The following ATXN7L1 variants were observed in gnomAD, a reference collection of about 807,000 sequenced individuals.
The protein encoded by ATXN7L1 is ataxin-7-like protein 1.
Under a neutral mutation model 70.8 loss-of-function variants are expected in ATXN7L1, and 15 were observed. The observed-to-expected ratio is 0.21, with a 90% CI of 0.14 to 0.33. The LOEUF is 0.33. ATXN7L1 is among the 10% of genes least tolerant of loss of function. The pLI is 1.00. For synonymous variants in ATXN7L1, 440 were observed against 445.1 expected (o/e 0.99, Z 0.14); for missense variants, 975 against 1,097.1 (o/e 0.89, Z 1.57).
intron 4 of ATXN7L1, among the ~76,000 whole-genome samples, chr7:105,657,511 G>A (rs376577582): frequency 2.6e-5 from 4 of 151,394 alleles, no homozygotes; most frequent in African/African-American, 4.8e-5. Context: ...TCAGGAATTC[G>A]AGATGGTGAA....
intron 2 of ATXN7L1, among the ~76,000 whole-genome samples, chr7:105,812,692 G>A (rs1217727576): frequency 1.3e-5 from 2 of 152,128 alleles, no homozygotes; most frequent in Admixed American, 1.3e-4. Context: ...TAGGTGTCAG[G>A]AATTCATCAG....
chr7:105,688,374 C>G (rs1474709496), intron 3 of ATXN7L1, among the ~76,000 whole-genome samples: 7 of 152,110 alleles, frequency 4.6e-5, no homozygotes, highest in Non-Finnish European at 7.4e-5. Flanking sequence ...GAAACCCCAT[C>G]TCTACTAAAA....
intron 4 of ATXN7L1, among the ~76,000 whole-genome samples, chr7:105,644,543 A>G (rs1798713895): frequency 6.6e-6 from 1 of 152,204 alleles, no homozygotes; most frequent in Non-Finnish European, 1.5e-5. Flanking sequence ...GAGTGTCTCA[A>G]TGTCTGAGAT....
chr7:105,727,052 G>A (rs587468), intron 3 of ATXN7L1, among the ~76,000 whole-genome samples: 86,393 of 152,026 alleles, frequency 0.57, 25,469 homozygotes, highest in East Asian at 0.78. Context: ...TAGCAATCTG[G>A]TTCTCTTCTG....
intron 10 of ATXN7L1, 42 bp downstream of exon 10, chr7:105,613,820 G>T (rs1793424008): frequency 6.4e-7 from 1 of 1,551,472 alleles, no homozygotes; most frequent in Admixed American, 2.0e-5. Context: ...AGCTCCCCCT[G>T]CCCCCCAGAG....
intron 2 of ATXN7L1, among the ~76,000 whole-genome samples, chr7:105,830,773 T>C (rs906798875): frequency 1.3e-5 from 2 of 152,238 alleles, no homozygotes; most frequent in Non-Finnish European, 1.5e-5. Flanking sequence ...TGCTATGCCA[T>C]GTCAGGTCCA....
At chr7:105,733,590 C>T in intron 3 of ATXN7L1, among the ~76,000 whole-genome samples, 1 of 136,738 alleles carries the variant, frequency 7.3e-6, no homozygotes, top group Non-Finnish European at 1.6e-5. Context: ...ACCCATCCAT[C>T]CATCCATCCA....
chr7:105,774,499 G>A (rs1211861329), intron 3 of ATXN7L1, among the ~76,000 whole-genome samples: 4 of 151,800 alleles, frequency 2.6e-5, no homozygotes, highest in Non-Finnish European at 5.9e-5. Context: ...TAACAGATGT[G>A]TGCTACCACA....
At chr7:105,768,461 G>C (rs1038737818) in intron 3 of ATXN7L1, among the ~76,000 whole-genome samples, 4 of 151,188 alleles carry the variant, frequency 2.6e-5, no homozygotes. Flanking sequence ...GGATCAAGTT[G>C]TATCTGTGCC....
chr7:105,680,727 G>A (rs1043055770), intron 3 of ATXN7L1, among the ~76,000 whole-genome samples: 20 of 152,222 alleles, frequency 1.3e-4, no homozygotes, highest in Admixed American at 1.3e-3. Context: ...GTAGAGGCCT[G>A]CTGGATGTTG....
intron 3 of ATXN7L1, among the ~76,000 whole-genome samples, chr7:105,718,862 G>A (rs565167928): frequency 2.0e-5 from 3 of 152,358 alleles, no homozygotes; most frequent in East Asian, 3.9e-4. Flanking sequence ...TACAGCATGG[G>A]AGGGCAGGCT....
rs959554093 is a variant in ATXN7L1, at chr7:105,872,589, C to T, written c.250+3223G>A. Among the ~76,000 whole-genome samples, 6 of 152,146 alleles carry T rather than the reference C, an allele frequency of 3.9e-5. No individual in the cohort carries two copies. The South Asian group carries it at 1.0e-3, about 26-fold the overall frequency. Reference sequence around the variant, plus strand: ...ACAAAAGGATACAGATTGTATGACTCCACTTATATGAGGTATCAGAATAGG... The same window carrying T: ...ACAAAAGGATACAGATTGTATGACTTCACTTATATGAGGTATCAGAATAGG... On this transcript the variant is annotated intron_variant, in intron 2 of 11. Coordinates refer to ENST00000419735, the MANE Select transcript of ATXN7L1 (RefSeq NM_020725.2).
chr7:105,610,676 C>G (rs1231606427), intron 10 of ATXN7L1, 73 bp from the exon 11 acceptor site: 6 of 1,325,102 alleles, frequency 4.5e-6, no homozygotes, highest in Non-Finnish European at 6.3e-6. Context: ...GCCACATGTT[C>G]TAGGGGAAAG....
At chr7:105,821,944 G>A (rs537376293) in intron 2 of ATXN7L1, among the ~76,000 whole-genome samples, 3 of 152,192 alleles carry the variant, frequency 2.0e-5, no homozygotes, top group African/African-American at 2.4e-5. Flanking sequence ...CGGTGACATT[G>A]CACATACTCC....
chr7:105,654,260 T>C (rs1389420957), intron 4 of ATXN7L1, among the ~76,000 whole-genome samples: 2 of 152,258 alleles, frequency 1.3e-5, no homozygotes, highest in Non-Finnish European at 2.9e-5. Flanking sequence ...CTGCCTCTCC[T>C]CTTCTGAGAA....
intron 4 of ATXN7L1, among the ~76,000 whole-genome samples, chr7:105,664,035 G>A (rs980840006): frequency 2.6e-5 from 4 of 152,140 alleles, no homozygotes; most frequent in Non-Finnish European, 4.4e-5. Flanking sequence ...CTCCCAAAGT[G>A]CTGGGATTAC....
At chr7:105,698,609 C>T (rs1160684825) in intron 3 of ATXN7L1, among the ~76,000 whole-genome samples, 7 of 152,184 alleles carry the variant, frequency 4.6e-5, no homozygotes, top group African/African-American at 1.2e-4. Context: ...CTGCCTGCCT[C>T]GGCCTCCCAA....
intron 2 of ATXN7L1, among the ~76,000 whole-genome samples, chr7:105,796,310 A>G (rs1805981628): frequency 6.6e-6 from 1 of 152,190 alleles, no homozygotes; most frequent in Non-Finnish European, 1.5e-5. Flanking sequence ...TGCAGTGAAC[A>G]GAGATCGCGC....
At chr7:105,709,378 T>C (rs569479773) in intron 3 of ATXN7L1, among the ~76,000 whole-genome samples, 4 of 152,228 alleles carry the variant, frequency 2.6e-5, no homozygotes, top group African/African-American at 7.2e-5. Context: ...TGCTTTGACT[T>C]CGTAGGGCCT....
Sources: gnomAD v4.1 joint callset for allele counts (sites outside exome capture counted in the v4.1 genomes callset) on GRCh38, gnomAD v4.1.1 for gene constraint, MANE v1.5 for transcripts, NCBI Gene and HGNC (gene_info 2026-07-23, HGNC 2026-07-21) for gene names.